The following CSMD1 variants were observed in gnomAD, a reference collection of about 807,000 sequenced individuals.
The protein encoded by CSMD1 is CUB and sushi domain-containing protein 1.
A neutral mutation model predicts 417.5 loss-of-function variants in CSMD1; 213 were observed. The ratio of observed to expected loss-of-function variants is 0.51; its 90% CI spans 0.46 to 0.57. The LOEUF (loss-of-function observed/expected upper bound fraction) is 0.57. Ranked by LOEUF, CSMD1 falls within the 20% of genes least tolerant of loss-of-function variation. CSMD1 has a pLI of 0.00. For missense variants in CSMD1, 6,923 were observed against 4,529.7 expected (o/e 1.53, Z -15.17); for synonymous variants, 2,862 against 1,736.8 (o/e 1.65, Z -16.11).
chr8:3,179,668 A>G (rs1016972542), intron 37 of CSMD1, among the ~76,000 whole-genome samples: 8 of 152,238 alleles, frequency 5.3e-5, no homozygotes, highest in African/African-American at 1.9e-4. Flanking sequence ...TTTGAGAATG[A>G]TAAGAGCATT....
chr8:4,427,015 G>C (rs932580304), intron 2 of CSMD1, among the ~76,000 whole-genome samples: 1 of 152,072 alleles, frequency 6.6e-6, no homozygotes, highest in Non-Finnish European at 1.5e-5. Context: ...AGTGATCAGT[G>C]ATCATGTCCC....
At chr8:4,095,646 T>C (rs1050540274) in intron 3 of CSMD1, among the ~76,000 whole-genome samples, 3 of 152,172 alleles carry the variant, frequency 2.0e-5, no homozygotes, top group Admixed American at 2.0e-4. Context: ...AGAGAAAACA[T>C]CCACATTCAA....
Position 4,842,736 on chromosome 8 carries a change from T to C in CSMD1, c.85+151596A>G, listed in dbSNP as rs549061774. Among the ~76,000 whole-genome samples the C allele has an allele frequency of 7.9e-5, 12 of 152,344 alleles. No individual in the cohort carries two copies. In the South Asian group the frequency reaches 2.5e-3, roughly 32 times the overall value. On this transcript the variant is annotated intron_variant, in intron 1 of 69. Transcript: ENST00000635120. The stretch of plus-strand genomic sequence containing the variant: ...CTACTAGAACAAAAGAGTTTTTGAA[T>C]GTTATTTATTATGCTAGCATTGAAA...
intron 5 of CSMD1, among the ~76,000 whole-genome samples, chr8:3,852,006 A>G (rs1052181899): frequency 2.0e-5 from 3 of 152,128 alleles, no homozygotes; most frequent in Non-Finnish European, 2.9e-5. Context: ...AGGGGCTGCA[A>G]TCACCGGTGA....
chr8:3,426,615 C>A (rs1452121434), intron 12 of CSMD1, among the ~76,000 whole-genome samples: 2 of 152,168 alleles, frequency 1.3e-5, no homozygotes, highest in African/African-American at 4.8e-5. Context: ...TATTTCTTGA[C>A]ACTGCCACTT....
chr8:4,440,055 A>T (rs995501160), intron 2 of CSMD1, among the ~76,000 whole-genome samples: 2 of 152,208 alleles, frequency 1.3e-5, no homozygotes, highest in Admixed American at 1.3e-4. Flanking sequence ...AATAGCAGTG[A>T]TCAACAGTTT....
chr8:4,256,911 G>T lies in CSMD1; in HGVS notation c.415+163042C>A, dbSNP rs569729879. Among the ~76,000 whole-genome samples the T allele has an allele frequency of 6.5e-4, 99 of 152,304 alleles. 2 individuals carry two copies. The highest frequency in any genetic ancestry group is 2.2e-3 in the African/African-American group (90 of 41,572). ...CGATGTGGTTCAGAATGAGTTTGCA[G>T]AATTTATTTTCCTTCCGCTTTCCCT... On this transcript the variant is annotated intron_variant, in intron 3 of 69. Coordinates refer to ENST00000635120, the MANE Select transcript of CSMD1 (RefSeq NM_033225.6).
At chr8:3,847,621 G>A (rs1470628955) in intron 5 of CSMD1, among the ~76,000 whole-genome samples, 3 of 152,066 alleles carry the variant, frequency 2.0e-5, no homozygotes, top group African/African-American at 7.2e-5. Flanking sequence ...CCAGACCGAT[G>A]GAGCCCCGAG....
chr8:3,242,908 C>T (rs1183552966), intron 26 of CSMD1, among the ~76,000 whole-genome samples: 2 of 151,956 alleles, frequency 1.3e-5, no homozygotes, highest in Non-Finnish European at 2.9e-5. Flanking sequence ...ATAAGGCAGG[C>T]GTCCCTGAGT....
intron 10 of CSMD1, among the ~76,000 whole-genome samples, chr8:3,511,598 A>G (rs1299473057): frequency 6.6e-6 from 1 of 151,422 alleles, no homozygotes; most frequent in Non-Finnish European, 1.5e-5. Flanking sequence ...TACTAAAAAT[A>G]TGAAAAAAGA....
chr8:4,967,608 C>A (rs983657649), intron 1 of CSMD1, among the ~76,000 whole-genome samples: 1 of 152,094 alleles, frequency 6.6e-6, no homozygotes, highest in Admixed American at 6.6e-5. Flanking sequence ...TGTAACAGTA[C>A]CTATACTTCG....
chr8:3,060,940 A>C (rs1161116130), intron 49 of CSMD1, among the ~76,000 whole-genome samples: 2 of 152,192 alleles, frequency 1.3e-5, no homozygotes, highest in African/African-American at 4.8e-5. Context: ...AGTGTCTGTC[A>C]ATTTCAGCTT....
chr8:3,397,398 G>A (rs1052443399), intron 16 of CSMD1, among the ~76,000 whole-genome samples: 4 of 152,200 alleles, frequency 2.6e-5, no homozygotes, highest in African/African-American at 9.7e-5. Context: ...GCTGTGTCCT[G>A]TATACATTAG....
intron 1 of CSMD1, among the ~76,000 whole-genome samples, chr8:4,924,722 C>CAAAAAAAAA (rs60827201): frequency 1.6e-5 from 1 of 62,524 alleles, no homozygotes; most frequent in Admixed American, 2.3e-4. Context: ...AACTCCATCT[C>CAAAAAAAAA]AAAAAAAAAA....
chr8:4,223,630 C>G (rs1218587948), intron 3 of CSMD1, among the ~76,000 whole-genome samples: 1 of 152,306 alleles, frequency 6.6e-6, no homozygotes, highest in South Asian at 2.1e-4. Flanking sequence ...AGATTAGCAG[C>G]CAGGACTCAG....
intron 1 of CSMD1, among the ~76,000 whole-genome samples, chr8:4,848,591 G>C (rs79185074): frequency 0.051 from 7,730 of 151,916 alleles, 271 homozygotes; most frequent in Non-Finnish European, 0.074. Flanking sequence ...CAGGCCTGCG[G>C]TGCTGTGGCA....
rs1268709559 is a variant in CSMD1 at position 3,903,603 on chromosome 8, T to G, written c.818+94300A>C. ...GCCTTTTTCTTCATACTTAGTTCAC[T>G]ACTCTATTTGGCAACTTTGAGTAAT... On this transcript the variant is annotated intron_variant, in intron 5 of 69. Coordinates refer to ENST00000635120, the MANE Select transcript of CSMD1 (RefSeq NM_033225.6). Among the ~76,000 whole-genome samples, 3 of 152,330 alleles carry G rather than the reference T, an allele frequency of 2.0e-5. No homozygotes were observed. In the East Asian group the frequency reaches 5.8e-4, roughly 29 times the overall value.
intron 2 of CSMD1, among the ~76,000 whole-genome samples, chr8:4,602,153 T>C (rs535373179): frequency 6.6e-6 from 1 of 152,334 alleles, no homozygotes; most frequent in African/African-American, 2.4e-5. Context: ...TAAGGTGAAC[T>C]GGCTTAATGT....
intron 3 of CSMD1, among the ~76,000 whole-genome samples, chr8:4,177,622 A>G (rs1328860175): frequency 1.3e-5 from 2 of 148,272 alleles, no homozygotes; most frequent in Admixed American, 1.4e-4. Context: ...AACCCTTCAA[A>G]AAATTAATGA....
Sources: gnomAD v4.1 joint callset for allele counts (sites outside exome capture counted in the v4.1 genomes callset) on GRCh38, gnomAD v4.1.1 for gene constraint, MANE v1.5 for transcripts, NCBI Gene and HGNC (gene_info 2026-07-23, HGNC 2026-07-21) for gene names.